Variants in CACNA2D3 observed in about 807,000 individuals in gnomAD.
The protein encoded by CACNA2D3 is calcium voltage-gated channel auxiliary subunit alpha2delta 3.
Under a neutral mutation model 160.6 loss-of-function variants are expected in CACNA2D3, and 60 were observed. The ratio of observed to expected loss-of-function variants is 0.37; its 90% confidence interval spans 0.30 to 0.46. The LOEUF (loss-of-function observed/expected upper bound fraction) is 0.46. CACNA2D3 is among the 20% of genes least tolerant of loss of function. The pLI is 1.00. For synonymous variants in CACNA2D3, 558 were observed against 492.9 expected (o/e 1.13, Z -1.75); for missense variants, 1,205 against 1,365.0 (o/e 0.88, Z 1.85).
intron 35 of CACNA2D3, among the ~76,000 whole-genome samples, chr3:55,052,656 T>G (rs1291999250): frequency 6.6e-6 from 1 of 152,152 alleles, no homozygotes; most frequent in Non-Finnish European, 1.5e-5. Context: ...TCTCATTTAT[T>G]TGAGGTTTGG....
chr3:54,459,253 G>C (rs1366250373), intron 4 of CACNA2D3, among the ~76,000 whole-genome samples: 1 of 151,374 alleles, frequency 6.6e-6, no homozygotes, highest in African/African-American at 2.4e-5. Flanking sequence ...TGTCTTTATA[G>C]CAGCATGATT....
At chr3:54,242,198 A>C (rs1206683786) in intron 2 of CACNA2D3, among the ~76,000 whole-genome samples, 1 of 152,196 alleles carries the variant, frequency 6.6e-6, no homozygotes, top group African/African-American at 2.4e-5. Context: ...AGACGGGTAG[A>C]TCAACTGAGG....
chr3:54,939,099 T>C (rs1701396172), intron 27 of CACNA2D3, among the ~76,000 whole-genome samples: 1 of 152,226 alleles, frequency 6.6e-6, no homozygotes, highest in Non-Finnish European at 1.5e-5. Context: ...GCTTTTCCTC[T>C]GTCTAGATAT....
chr3:54,731,693 A>G (rs539628259), intron 11 of CACNA2D3, among the ~76,000 whole-genome samples: 5 of 152,224 alleles, frequency 3.3e-5, no homozygotes, highest in Non-Finnish European at 5.9e-5. Context: ...GGAAATACCT[A>G]CAAATTCCAC....
intron 11 of CACNA2D3, among the ~76,000 whole-genome samples, chr3:54,682,690 A>C (rs1425672209): frequency 6.6e-6 from 1 of 152,224 alleles, no homozygotes; most frequent in Non-Finnish European, 1.5e-5. Flanking sequence ...ATGCCTTCAG[A>C]ATGGCCTTTA....
chr3:55,034,452 A>G (rs1277291937), intron 35 of CACNA2D3, among the ~76,000 whole-genome samples: 1 of 152,018 alleles, frequency 6.6e-6, no homozygotes, highest in African/African-American at 2.4e-5. Context: ...TTGAGTTTAT[A>G]TAGTAAGAAA....
chr3:54,978,585 A>G (rs932648693), intron 29 of CACNA2D3, among the ~76,000 whole-genome samples: 5 of 152,248 alleles, frequency 3.3e-5, no homozygotes, highest in South Asian at 2.1e-4. Context: ...TACAATAGCA[A>G]CGTATTCCAA....
At chr3:54,972,333 A>G (rs1702292729) in intron 29 of CACNA2D3, among the ~76,000 whole-genome samples, 1 of 152,196 alleles carries the variant, frequency 6.6e-6, no homozygotes, top group African/African-American at 2.4e-5. Flanking sequence ...TGACTCTTAA[A>G]TTTTGGTTCC....
At chr3:54,769,310 G>A (rs1256865896) in intron 13 of CACNA2D3, among the ~76,000 whole-genome samples, 1 of 152,158 alleles carries the variant, frequency 6.6e-6, no homozygotes, top group African/African-American at 2.4e-5. Context: ...CCAGCTTGCA[G>A]TAATGAAAGA....
intron 35 of CACNA2D3, among the ~76,000 whole-genome samples, chr3:55,029,913 A>G (rs559509710): frequency 9.8e-4 from 149 of 152,316 alleles, no homozygotes; most frequent in African/African-American, 3.5e-3. Context: ...AAAACATGTA[A>G]ATCAATAGGA....
At chr3:54,241,264 AT>A (rs530407957) in intron 2 of CACNA2D3, among the ~76,000 whole-genome samples, 1 of 152,286 alleles carries the variant, frequency 6.6e-6, no homozygotes, top group South Asian at 2.1e-4. Flanking sequence ...TTTAATGATC[AT>A]GACTGGGGGC....
chr3:54,456,441 T>G (rs980808177), intron 4 of CACNA2D3, among the ~76,000 whole-genome samples: 2 of 152,034 alleles, frequency 1.3e-5, no homozygotes, highest in Non-Finnish European at 2.9e-5. Context: ...CGAAATTGTT[T>G]GTCCGTTCTA....
chr3:54,324,498 A>T (rs1269277840), intron 3 of CACNA2D3, among the ~76,000 whole-genome samples: 1 of 152,150 alleles, frequency 6.6e-6, no homozygotes, highest in Non-Finnish European at 1.5e-5. Flanking sequence ...TAATGGTGCC[A>T]TCATTATGGT....
intron 4 of CACNA2D3, among the ~76,000 whole-genome samples, chr3:54,491,886 G>T (rs1215479620): frequency 6.6e-6 from 1 of 152,162 alleles, no homozygotes; most frequent in Non-Finnish European, 1.5e-5. Flanking sequence ...TGGAGGAGAG[G>T]CTGGGCCACC....
intron 5 of CACNA2D3, among the ~76,000 whole-genome samples, chr3:54,524,535 A>T (rs533686565): frequency 6.6e-6 from 1 of 152,092 alleles, no homozygotes; most frequent in Non-Finnish European, 1.5e-5. Flanking sequence ...CTTTATTTCC[A>T]TATTAATCTT....
intron 5 of CACNA2D3, among the ~76,000 whole-genome samples, chr3:54,541,041 G>A (rs2106662384): frequency 6.6e-6 from 1 of 152,240 alleles, no homozygotes; most frequent in East Asian, 1.9e-4. Context: ...ACTTTGGGAG[G>A]CCAAGGTGGG....
chr3:54,202,778 TATGTCTG>T (rs1317180370), intron 2 of CACNA2D3, among the ~76,000 whole-genome samples: 2 of 152,194 alleles, frequency 1.3e-5, no homozygotes, highest in Non-Finnish European at 2.9e-5. Context: ...AGTCCTGGTT[TATGTCTG>T]ATGTCCTGAA....
chr3:54,810,259 T>G (rs1703268400), intron 13 of CACNA2D3, among the ~76,000 whole-genome samples: 1 of 152,070 alleles, frequency 6.6e-6, no homozygotes, highest in African/African-American at 2.4e-5. Flanking sequence ...AAGGAAGGAT[T>G]GGATTGGAGG....
rs1559537901 is a variant in CACNA2D3 at position 54,646,172 on chromosome 3, CTCCCTCCCTCCCTCCTTCCTTGCT to C, written c.1167+3935_1167+3958del. The stretch of plus-strand genomic sequence containing the variant: ...CTTCCCTCCCTCCCTCCCTCCCTCC[CTCCCTCCCTCCCTCCTTCCTTGCT>C]TCCTTCCTTCCTTCCTTCCTTCCTT... On this transcript the variant is annotated intron_variant, in intron 11 of 37. Transcript: ENST00000474759. Among the ~76,000 whole-genome samples, 3 of 25,260 alleles carry C rather than the reference CTCCCTCCCTCCCTCCTTCCTTGCT, an allele frequency of 1.2e-4. 1 individual carries two copies. Among genetic ancestry groups the C allele is most frequent in the Admixed American group, 4.9e-4 (1 of 2,026 alleles). 16.6% of individuals were successfully genotyped at this position (25,260 alleles called of 152,430 possible).
Sources: allele counts gnomAD v4.1 joint callset (sites outside exome capture counted in the v4.1 genomes callset), GRCh38; gene constraint gnomAD v4.1.1; transcripts MANE v1.5; gene names NCBI Gene and HGNC (gene_info 2026-07-23, HGNC 2026-07-21).